The following ERC2 variants were observed in gnomAD, a reference collection of about 807,000 sequenced individuals.
ERC2 encodes ELKS/RAB6-interacting/CAST family member 2.
ERC2 carries 42 observed loss-of-function variants against 114.8 expected under a neutral mutation model. The ratio of observed to expected loss-of-function variants is 0.37; its 90% CI spans 0.29 to 0.47. The LOEUF (loss-of-function observed/expected upper bound fraction) is 0.47. ERC2 is among the 20% of genes least tolerant of loss of function. The pLI, the probability that ERC2 is intolerant of heterozygous loss-of-function variation, is 0.99. For missense variants in ERC2, 939 were observed against 1,150.7 expected, an observed-to-expected ratio of 0.82 and a Z score of 2.66; for synonymous variants, 454 against 425.5, an observed-to-expected ratio of 1.07 and a Z score of -0.82.
At chr3:55,866,664 A>T (rs1458068) in intron 14 of ERC2, among the ~76,000 whole-genome samples, 22,191 of 152,196 alleles carry the variant, frequency 0.15, 1,823 homozygotes, top group East Asian at 0.24. Context: ...AGCCCTGTAC[A>T]TAGCTTAGAG....
intron 13 of ERC2, among the ~76,000 whole-genome samples, chr3:55,912,484 G>C (rs982549578): frequency 9.8e-5 from 15 of 152,300 alleles, no homozygotes; most frequent in Admixed American, 8.5e-4. Context: ...TTACCCTACT[G>C]TATGTATGTG....
intron 14 of ERC2, among the ~76,000 whole-genome samples, chr3:55,755,623 G>C (rs1034225081): frequency 1.3e-5 from 2 of 152,086 alleles, no homozygotes; most frequent in African/African-American, 4.8e-5. Flanking sequence ...CAGGTTGTAA[G>C]TATTTGTTAC....
intron 14 of ERC2, among the ~76,000 whole-genome samples, chr3:55,876,210 T>C (rs922926614): frequency 2.0e-5 from 3 of 152,184 alleles, no homozygotes; most frequent in African/African-American, 7.2e-5. Flanking sequence ...AGGACATAGA[T>C]CTTGAGGTTT....
At chr3:55,686,646 A>G (rs2062348354) in intron 16 of ERC2, among the ~76,000 whole-genome samples, 1 of 152,204 alleles carries the variant, frequency 6.6e-6, no homozygotes, top group Admixed American at 6.5e-5. Context: ...AGAAACAGAC[A>G]AGTATCACTT....
intron 3 of ERC2, among the ~76,000 whole-genome samples, chr3:56,267,995 A>G (rs1316416763): frequency 6.6e-6 from 1 of 152,194 alleles, no homozygotes; most frequent in Non-Finnish European, 1.5e-5. Flanking sequence ...CACAGACACA[A>G]TCAAGAAAGG....
intron 15 of ERC2, among the ~76,000 whole-genome samples, chr3:55,733,156 G>A (rs2065364750): frequency 6.6e-6 from 1 of 152,270 alleles, no homozygotes; most frequent in East Asian, 1.9e-4. Flanking sequence ...CAGGAGAGGA[G>A]GGTGCAGGGA....
chr3:55,604,161 A>C (rs2058541739), intron 17 of ERC2, among the ~76,000 whole-genome samples: 1 of 152,180 alleles, frequency 6.6e-6, no homozygotes, highest in Non-Finnish European at 1.5e-5. Flanking sequence ...TTGGATTTGC[A>C]GAATCTCTTC....
chr3:55,597,784 C>A lies in ERC2; in HGVS notation c.*39+86010G>T, dbSNP rs1030305081. 3.9e-5 allele frequency among the ~76,000 whole-genome samples: 6 copies of A among 152,312 alleles called. No individual in the cohort carries two copies. The East Asian group carries it at 1.2e-3, about 29-fold the overall frequency. ...GTGCTGATGAAAGCCTGACTTGGCACCCTACAGTGACCCTAGCCCTTCATA... is the reference window on the plus strand; with the variant it reads ...GTGCTGATGAAAGCCTGACTTGGCAACCTACAGTGACCCTAGCCCTTCATA... On this transcript the variant is annotated intron_variant, in intron 17 of 17. Coordinates refer to ENST00000288221, the MANE Select transcript of ERC2 (RefSeq NM_015576.3).
intron 17 of ERC2, among the ~76,000 whole-genome samples, chr3:55,638,269 C>T (rs1471584222): frequency 6.6e-6 from 1 of 152,166 alleles, no homozygotes; most frequent in Non-Finnish European, 1.5e-5. Context: ...GAGAATTAAC[C>T]CCATTTGCAG....
chr3:56,408,304 C>T (rs940136031), intron 2 of ERC2, among the ~76,000 whole-genome samples: 2 of 152,158 alleles, frequency 1.3e-5, no homozygotes, highest in Non-Finnish European at 2.9e-5. Flanking sequence ...ATTGTTATCC[C>T]TATTTTATGG....
chr3:55,727,061 C>T (rs947050991), intron 15 of ERC2, among the ~76,000 whole-genome samples: 5 of 152,136 alleles, frequency 3.3e-5, no homozygotes, highest in African/African-American at 9.7e-5. Flanking sequence ...ATACGGCTTA[C>T]GGGGTAAGAT....
intron 16 of ERC2, among the ~76,000 whole-genome samples, chr3:55,694,979 T>TA (rs2062853992): frequency 6.6e-6 from 1 of 152,162 alleles, no homozygotes; most frequent in Non-Finnish European, 1.5e-5. Flanking sequence ...ATGAGCTTAA[T>TA]AAAATATGAC....
chr3:56,072,859 A>G (rs994751979), intron 7 of ERC2, among the ~76,000 whole-genome samples: 14 of 152,236 alleles, frequency 9.2e-5, no homozygotes, highest in African/African-American at 3.4e-4. Flanking sequence ...CTTTATTCCT[A>G]TTACATGTTC....
chr3:56,210,274 T>G (rs1337996788), intron 3 of ERC2, among the ~76,000 whole-genome samples: 1 of 152,200 alleles, frequency 6.6e-6, no homozygotes, highest in Non-Finnish European at 1.5e-5. Context: ...AAAAACAATT[T>G]GTTGAGCCCA....
At chr3:55,652,890 CAT>C (rs2060697345) in intron 17 of ERC2, among the ~76,000 whole-genome samples, 2 of 140,940 alleles carry the variant, frequency 1.4e-5, no homozygotes, top group Non-Finnish European at 3.0e-5. Context: ...AAAACCAATA[CAT>C]GTTATTGTTC....
intron 6 of ERC2, among the ~76,000 whole-genome samples, chr3:56,102,096 A>C (rs1003860151): frequency 1.3e-5 from 2 of 152,214 alleles, no homozygotes; most frequent in African/African-American, 4.8e-5. Context: ...TTCACTGGCT[A>C]ACTTTTCCCT....
rs2057721304 is a variant in ERC2 at position 56,333,516 on chromosome 3, CTAAA to C, written c.658-37085_658-37082del. 2.6e-5 allele frequency among the ~76,000 whole-genome samples: 4 copies of C among 152,278 alleles called. No homozygotes were observed. The South Asian group carries it at 8.3e-4, about 32-fold the overall frequency. ...ATAAATTTAAAAGTAGAATTCAAAA[CTAAA>C]CAAATACTATCAAAATAATTTGTCT... On this transcript the variant is annotated intron_variant, in intron 2 of 17. Coordinates refer to ENST00000288221, the MANE Select transcript of ERC2 (RefSeq NM_015576.3).
intron 17 of ERC2, among the ~76,000 whole-genome samples, chr3:55,539,389 TTCTC>T (rs1328654934): frequency 4.7e-5 from 7 of 148,548 alleles, no homozygotes; most frequent in East Asian, 2.0e-4. Flanking sequence ...TCTTTTTTCT[TTCTC>T]TCTCTCTCTC....
chr3:55,940,086 C>T (rs1207723849), intron 13 of ERC2, among the ~76,000 whole-genome samples: 2 of 152,044 alleles, frequency 1.3e-5, no homozygotes, highest in African/African-American at 4.8e-5. Context: ...ACTGACTTCC[C>T]TAGATTCCCA....
Sources: allele counts gnomAD v4.1 joint callset (sites outside exome capture counted in the v4.1 genomes callset), GRCh38; gene constraint gnomAD v4.1.1; transcripts MANE v1.5; gene names NCBI Gene and HGNC (gene_info 2026-07-23, HGNC 2026-07-21).